The following SLC18B1 variants were observed in gnomAD, a reference collection of about 807,000 sequenced individuals.
SLC18B1 encodes MFS-type transporter SLC18B1.
Under a neutral mutation model 53.9 loss-of-function variants are expected in SLC18B1, and 62 were observed. The observed-to-expected ratio is 1.15, with a 90% CI of 0.94 to 1.42. The LOEUF (loss-of-function observed/expected upper bound fraction) is 1.42. SLC18B1 is among the 40% of genes most tolerant of loss of function. SLC18B1 has a pLI of 0.00. For synonymous variants in SLC18B1, 217 were observed against 200.9 expected, an observed-to-expected ratio of 1.08 and a Z score of -0.68; for missense variants, 598 against 547.3, an observed-to-expected ratio of 1.09 and a Z score of -0.93.
rs1780934720 is a variant in SLC18B1 at position 132,770,265 on chromosome 6, T to C, written c.*5A>G. The C allele has an allele frequency of 6.2e-7, 1 of 1,610,508 alleles. No homozygotes were observed. Among genetic ancestry groups the C allele is most frequent in the Non-Finnish European group, 8.5e-7 (1 of 1,176,710 alleles). ...CAACCTTGTATCAATCCAGGATCCA[T>C]CGGACTAGGTTTCATTAGGCAAGAG... On this transcript the variant is annotated 3_prime_UTR_variant, in exon 14 of 14. Transcript: ENST00000275227.
intron 2 of SLC18B1, among the ~76,000 whole-genome samples, chr6:132,791,596 C>T (rs931573100): frequency 1.3e-5 from 2 of 152,134 alleles, no homozygotes; most frequent in African/African-American, 4.8e-5. Flanking sequence ...TAGGAAGGAT[C>T]TCTCTCTTAC....
chr6:132,783,160 T>G (rs1316802286), intron 6 of SLC18B1, among the ~76,000 whole-genome samples: 1 of 151,928 alleles, frequency 6.6e-6, no homozygotes, highest in Non-Finnish European at 1.5e-5. Context: ...CCTAGAGATT[T>G]TTTTTTAAAT....
At position 132,772,990 on chromosome 6, in the gene SLC18B1, T is replaced by TA; in HGVS notation, c.1085+2dup. 6.2e-7 allele frequency: 1 copy of TA among 1,608,430 alleles called. No individual in the cohort carries two copies. Among genetic ancestry groups the TA allele is most frequent in the Non-Finnish European group, 8.5e-7 (1 of 1,175,050 alleles). On this transcript the variant is annotated splice_region_variant and intron_variant, in intron 10 of 13. Transcript: ENST00000275227. ...AGCTCTTCAAGCAATGGAAGTAACTTACTGTGCACAACTGAGAATTTCCGG... is the reference window on the plus strand; with the variant it reads ...AGCTCTTCAAGCAATGGAAGTAACTTAACTGTGCACAACTGAGAATTTCCGG...
At chr6:132,774,843 G>A (rs575545485) in intron 8 of SLC18B1, among the ~76,000 whole-genome samples, 1 of 152,012 alleles carries the variant, frequency 6.6e-6, no homozygotes, top group South Asian at 2.1e-4. Flanking sequence ...CCTGGGAGGC[G>A]GAGGTTGCAG....
At chr6:132,787,881 G>C (rs193163220) in intron 4 of SLC18B1, among the ~76,000 whole-genome samples, 9 of 152,192 alleles carry the variant, frequency 5.9e-5, no homozygotes, top group African/African-American at 2.2e-4. Context: ...TGTAGAATCA[G>C]CTGGGCGCAG....
At chr6:132,785,897 C>CA (rs71545048) in intron 5 of SLC18B1, among the ~76,000 whole-genome samples, 2,859 of 81,162 alleles carry the variant, frequency 0.035, 111 homozygotes, top group Non-Finnish European at 0.047. Context: ...CCTGTCTCTA[C>CA]AAAAAAAAAA....
At chr6:132,783,796 A>T in intron 6 of SLC18B1, 137 bp downstream of exon 6, 2 of 643,580 alleles carry the variant, frequency 3.1e-6, no homozygotes, top group Non-Finnish European at 2.3e-6. Flanking sequence ...CTAATTGCCT[A>T]CATTACTGAA....
At chr6:132,779,633 G>A (rs1478116485) in intron 6 of SLC18B1, among the ~76,000 whole-genome samples, 1 of 152,074 alleles carries the variant, frequency 6.6e-6, no homozygotes, top group Non-Finnish European at 1.5e-5. Flanking sequence ...AGAATCAACT[G>A]GAATCAGAGT....
chr6:132,786,555 CAAAAAA>C (rs56886747), intron 5 of SLC18B1, among the ~76,000 whole-genome samples: 1 of 78,618 alleles, frequency 1.3e-5, no homozygotes, highest in Non-Finnish European at 2.6e-5. Context: ...TCCCCCACTC[CAAAAAA>C]AAAAAAAAAA....
intron 9 of SLC18B1, 39 bp downstream of exon 9, chr6:132,774,183 T>A (rs367676997): frequency 1.3e-6 from 2 of 1,514,208 alleles, no homozygotes; most frequent in African/African-American, 2.8e-5. Context: ...TAATTCCTAA[T>A]GTTATTTGGC....
Position 132,773,027 on chromosome 6 carries a change from T to A in SLC18B1, c.1051A>T (p.Ile351Phe). Residue 351 changes from isoleucine to phenylalanine, a missense_variant, in exon 10 of 14, where the codon ATT becomes TTT. Ile to Phe is a conservative substitution (Grantham distance 21, BLOSUM62 0). Transcript: ENST00000275227. ...CTGAGAATTTCCGGGAAAGTTGGAATTATACTCATTCCAGCAGAGAGGCCA... is the reference window on the plus strand; with the variant it reads ...CTGAGAATTTCCGGGAAAGTTGGAAATATACTCATTCCAGCAGAGAGGCCA... ...VSGLSAGMSI[I>F]PTFPEILSCA... 6.2e-7 allele frequency: 1 copy of A among 1,613,776 alleles called. No homozygotes were observed. The highest frequency in any genetic ancestry group is 8.5e-7 in the Non-Finnish European group (1 of 1,179,794).
intron 6 of SLC18B1, among the ~76,000 whole-genome samples, chr6:132,781,487 G>A (rs1261821213): frequency 6.6e-6 from 1 of 152,230 alleles, no homozygotes; most frequent in South Asian, 2.1e-4. Context: ...GGCCGGGCAC[G>A]GTGGCTCACA....
intron 6 of SLC18B1, among the ~76,000 whole-genome samples, chr6:132,779,784 G>A (rs561572908): frequency 3.0e-4 from 45 of 152,278 alleles, no homozygotes; most frequent in African/African-American, 1.0e-3. Flanking sequence ...AATTTATAAA[G>A]GAAAGAGGTT....
At chr6:132,782,580 A>C (rs1781265481) in intron 6 of SLC18B1, among the ~76,000 whole-genome samples, 1 of 152,052 alleles carries the variant, frequency 6.6e-6, no homozygotes, top group African/African-American at 2.4e-5. Context: ...AGAGCAGTAC[A>C]GGAGAGGGGA....
At chr6:132,789,895 TA>T (rs1781479247) in intron 3 of SLC18B1, 58 bp from the exon 4 acceptor site, 4 of 1,194,262 alleles carry the variant, frequency 3.3e-6, no homozygotes, top group Middle Eastern at 3.8e-4. Flanking sequence ...TCTATATTGA[TA>T]TAAACAAATC....
intron 13 of SLC18B1, among the ~76,000 whole-genome samples, chr6:132,770,633 G>T (rs1002315656): frequency 2.0e-5 from 3 of 152,134 alleles, no homozygotes; most frequent in African/African-American, 7.2e-5. Flanking sequence ...CTACGTGGGA[G>T]GCTGAGGCAG....
At chr6:132,797,716 G>C (rs1781733972) in intron 1 of SLC18B1, among the ~76,000 whole-genome samples, 1 of 152,234 alleles carries the variant, frequency 6.6e-6, no homozygotes, top group Non-Finnish European at 1.5e-5. Flanking sequence ...AAATCATTCA[G>C]CTGGTGAATT....
intron 2 of SLC18B1, among the ~76,000 whole-genome samples, chr6:132,791,483 T>C (rs967839342): frequency 6.6e-6 from 1 of 152,224 alleles, no homozygotes; most frequent in Non-Finnish European, 1.5e-5. Context: ...AGGATTTTTT[T>C]TTTGCATGTC....
At chr6:132,775,148 C>T (rs1358061448) in intron 8 of SLC18B1, among the ~76,000 whole-genome samples, 2 of 152,094 alleles carry the variant, frequency 1.3e-5, no homozygotes, top group Non-Finnish European at 2.9e-5. Flanking sequence ...CAAGAGGCCC[C>T]AAAGAGCTCC....
Sources: allele counts gnomAD v4.1 joint callset (sites outside exome capture counted in the v4.1 genomes callset), GRCh38; gene constraint gnomAD v4.1.1; transcripts MANE v1.5; gene names NCBI Gene and HGNC (gene_info 2026-07-23, HGNC 2026-07-21).